DIS3L2: variants seen among roughly 807,000 people sequenced by gnomAD.
The protein encoded by DIS3L2 is DIS3-like exonuclease 2.
In DIS3L2, 34 loss-of-function variants were observed where a neutral mutation model predicts 97.5. The observed-to-expected ratio is 0.35, with a 90% CI of 0.27 to 0.46. The LOEUF is 0.46. DIS3L2 is among the 20% of genes least tolerant of loss of function. The pLI, the probability that DIS3L2 is intolerant of heterozygous loss-of-function variation, is 1.00. For synonymous variants in DIS3L2, 435 were observed against 445.2 expected, an observed-to-expected ratio of 0.98 and a Z score of 0.29; for missense variants, 1,038 against 1,146.0, an observed-to-expected ratio of 0.91 and a Z score of 1.36.
At chr2:232,021,505 G>C (rs964788117) in intron 3 of DIS3L2, among the ~76,000 whole-genome samples, 1 of 151,896 alleles carries the variant, frequency 6.6e-6, no homozygotes, top group South Asian at 2.1e-4. Flanking sequence ...GGCTGTGAAC[G>C]TGGGAGAGAG....
intron 14 of DIS3L2, among the ~76,000 whole-genome samples, chr2:232,317,637 A>G (rs1695311940): frequency 6.6e-6 from 1 of 151,966 alleles, no homozygotes; most frequent in Non-Finnish European, 1.5e-5. Context: ...GGGTTTCACT[A>G]TGTTGGCCAG....
intron 3 of DIS3L2, among the ~76,000 whole-genome samples, chr2:232,023,787 T>G (rs996929865): frequency 2.0e-5 from 3 of 152,108 alleles, no homozygotes; most frequent in African/African-American, 7.2e-5. Context: ...TAAAAAATAA[T>G]GCATCCAGTT....
At chr2:232,266,735 A>G (rs535918951) in intron 13 of DIS3L2, among the ~76,000 whole-genome samples, 3 of 152,168 alleles carry the variant, frequency 2.0e-5, no homozygotes, top group East Asian at 3.9e-4. Flanking sequence ...TGAGTAGCCT[A>G]CTGTTTGGAA....
At chr2:232,103,590 G>A (rs558388327) in intron 6 of DIS3L2, among the ~76,000 whole-genome samples, 1 of 152,142 alleles carries the variant, frequency 6.6e-6, no homozygotes, top group African/African-American at 2.4e-5. Flanking sequence ...TAATTCAGTT[G>A]TGTTTGCTAA....
rs201007611 is a variant in DIS3L2, at chr2:232,067,565, G to T, written c.367-19922G>T. Among the ~76,000 whole-genome samples the T allele has an allele frequency of 1.2e-4, 19 of 152,254 alleles. No homozygotes were observed. The East Asian group carries it at 2.7e-3, about 22-fold the overall frequency. ...CATGTGGCTCAGCATATGGTCTATT[G>T]TGGTAAACATTCTCTGTGCACTTGA... On this transcript the variant is annotated intron_variant, in intron 5 of 20. Transcript: ENST00000325385.
chr2:232,174,776 A>G (rs1314060561), intron 9 of DIS3L2, among the ~76,000 whole-genome samples: 2 of 151,962 alleles, frequency 1.3e-5, no homozygotes, highest in Non-Finnish European at 2.9e-5. Flanking sequence ...GTTGAATAGA[A>G]TTAATGGAAG....
chr2:232,093,830 T>A (rs1696920534), intron 6 of DIS3L2, among the ~76,000 whole-genome samples: 2 of 152,154 alleles, frequency 1.3e-5, no homozygotes, highest in Non-Finnish European at 2.9e-5. Flanking sequence ...CATTGATCTT[T>A]TGGATTGTTT....
At chr2:231,966,801 CTTG>C (rs60596644) in intron 1 of DIS3L2, among the ~76,000 whole-genome samples, 30,684 of 151,446 alleles carry the variant, frequency 0.2, 3,737 homozygotes, top group South Asian at 0.43. Context: ...TCCCAGAAAT[CTTG>C]TTGTCTTTAT....
intron 1 of DIS3L2, among the ~76,000 whole-genome samples, chr2:231,997,805 G>GT (rs947934754): frequency 6.6e-6 from 1 of 151,776 alleles, no homozygotes; most frequent in African/African-American, 2.4e-5. Context: ...GTGTTTTTTT[G>GT]TTTTTTGGTG....
chr2:232,313,153 A>T (rs890182056), intron 14 of DIS3L2, among the ~76,000 whole-genome samples: 2 of 152,126 alleles, frequency 1.3e-5, no homozygotes, highest in Non-Finnish European at 2.9e-5. Context: ...ATAGGCATTT[A>T]TGTCTTGTTC....
chr2:232,226,983 TAAACAAAAACAA>T, intron 10 of DIS3L2, among the ~76,000 whole-genome samples: 1 of 149,656 alleles, frequency 6.7e-6, no homozygotes, highest in Non-Finnish European at 1.5e-5. Context: ...AACAAACAAA[TAAACAAAAACAA>T]AAACAAAAAA....
chr2:232,286,976 T>G (rs1374056620), intron 13 of DIS3L2, among the ~76,000 whole-genome samples: 1 of 152,000 alleles, frequency 6.6e-6, no homozygotes, highest in Non-Finnish European at 1.5e-5. Context: ...GTAGAAGTGT[T>G]CACAAGCAGA....
chr2:232,009,158 A>G (rs1387015222), intron 1 of DIS3L2, among the ~76,000 whole-genome samples: 4 of 152,134 alleles, frequency 2.6e-5, no homozygotes, highest in Admixed American at 6.5e-5. Context: ...CTTTGAACAT[A>G]TTTATAATAG....
chr2:232,230,470 G>A (rs1253117480), intron 10 of DIS3L2, among the ~76,000 whole-genome samples: 4 of 152,162 alleles, frequency 2.6e-5, no homozygotes, highest in Admixed American at 2.0e-4. Flanking sequence ...AGGCTCCTAT[G>A]TTGGGAAAAC....
chr2:232,286,299 C>T (rs1694429565), intron 13 of DIS3L2, among the ~76,000 whole-genome samples: 1 of 152,134 alleles, frequency 6.6e-6, no homozygotes, highest in Non-Finnish European at 1.5e-5. Flanking sequence ...GGGCTGACCC[C>T]GTGTCAGCAC....
intron 5 of DIS3L2, among the ~76,000 whole-genome samples, chr2:232,060,535 A>T (rs1328827700): frequency 6.6e-6 from 1 of 152,174 alleles, no homozygotes; most frequent in Non-Finnish European, 1.5e-5. Flanking sequence ...TTATGCCAGT[A>T]TCATACTGTT....
At chr2:232,028,805 T>G (rs1694728449) in intron 4 of DIS3L2, among the ~76,000 whole-genome samples, 1 of 152,168 alleles carries the variant, frequency 6.6e-6, no homozygotes, top group South Asian at 2.1e-4. Context: ...TCAACTACAG[T>G]CATGTTTTGT....
chr2:232,137,945 A>G (rs1011435527), intron 8 of DIS3L2, among the ~76,000 whole-genome samples: 6 of 152,206 alleles, frequency 3.9e-5, no homozygotes, highest in Non-Finnish European at 7.3e-5. Flanking sequence ...CAAAAGGCCC[A>G]GTAACGGTTG....
chr2:232,038,780 G>A (rs1412003324), intron 5 of DIS3L2, among the ~76,000 whole-genome samples: 1 of 152,156 alleles, frequency 6.6e-6, no homozygotes, highest in Non-Finnish European at 1.5e-5. Context: ...AGGTCTGGAG[G>A]AAAGGTTTGG....
Sources: allele counts gnomAD v4.1 joint callset (sites outside exome capture counted in the v4.1 genomes callset), GRCh38; gene constraint gnomAD v4.1.1; transcripts MANE v1.5; gene names NCBI Gene and HGNC (gene_info 2026-07-23, HGNC 2026-07-21).